The following USP44 variants were observed in gnomAD, a reference collection of about 807,000 sequenced individuals.
USP44 encodes ubiquitin specific peptidase 44, also known as ubiquitin carboxyl-terminal hydrolase 44.
A neutral mutation model predicts 69.0 loss-of-function variants in USP44; 61 were observed. The ratio of observed to expected loss-of-function variants is 0.88; its 90% CI spans 0.72 to 1.09. The LOEUF is 1.09. USP44 is among the 50% of genes least tolerant of loss of function. USP44 has a pLI of 0.00. For missense variants in USP44, 753 were observed against 849.9 expected (o/e 0.89, Z 1.42); for synonymous variants, 297 against 295.4 (o/e 1.01, Z -0.06).
chr12:95,549,533 C>T lies in USP44; in HGVS notation c.-71+1739G>A, dbSNP rs60896788. Among the ~76,000 whole-genome samples the T allele has an allele frequency of 0.022, 3,380 of 152,216 alleles. 197 individuals carry two copies. The East Asian group carries it at 0.25, about 11-fold the overall frequency. On this transcript the variant is annotated intron_variant, in intron 1 of 5. Transcript: ENST00000258499. ...TGGATTCTTTGTGTTCAACTCTGAGCCAGATTGTTGTTTTTAACTGAACCT... is the reference window on the plus strand; with the variant it reads ...TGGATTCTTTGTGTTCAACTCTGAGTCAGATTGTTGTTTTTAACTGAACCT...
At position 95,518,066 on chromosome 12, in the gene USP44, A is replaced by C. The variant is rs942338364; in HGVS notation, c.*88T>G. On this transcript the variant is annotated 3_prime_UTR_variant, in exon 6 of 6. Transcript: ENST00000258499. ...GTATAAATGTAGTATACACTGATTC[A>C]CAAGAAAAAATGAAGTTTAAAATGG... is the stretch of plus-strand genomic sequence containing the variant. 9 of 1,443,356 alleles carry C rather than the reference A, an allele frequency of 6.2e-6. No individual in the cohort carries two copies. The highest frequency in any genetic ancestry group is 8.5e-6 in the Non-Finnish European group (9 of 1,054,506). The allele number at this position is 1,443,356 out of a possible 1,614,324, so 89.4% of individuals were successfully genotyped here. A position where few individuals can be genotyped will look rare whatever the true frequency, so the allele number is the denominator to read the frequency against.
At position 95,528,802 on chromosome 12, in the gene USP44, C is replaced by T; in HGVS notation, c.1624+5G>A. On this transcript the variant is annotated splice_donor_5th_base_variant and intron_variant, in intron 3 of 5. Transcript: ENST00000258499. ...AAGCACCAAGAACACAACGTCTTTA[C>T]TCACAGTTACACTGGTCACATACGT... 6.2e-7 allele frequency: 1 copy of T among 1,607,850 alleles called. No homozygotes were observed. Among genetic ancestry groups the T allele is most frequent in the South Asian group, 1.1e-5 (1 of 89,498 alleles).
intron 2 of USP44, among the ~76,000 whole-genome samples, chr12:95,530,391 C>T (rs897762633): frequency 6.6e-6 from 1 of 151,906 alleles, no homozygotes; most frequent in Non-Finnish European, 1.5e-5. Context: ...GAGGCCAAAG[C>T]GGGAGGGCTG....
rs755144141 is a variant in USP44 at position 95,518,401 on chromosome 12, C to A, written c.1940-48G>T. 4 of 1,590,346 alleles carry A rather than the reference C, an allele frequency of 2.5e-6. No homozygotes were observed. In the African/African-American group the frequency reaches 4.1e-5, roughly 16 times the overall value. ...ATTTATGAAGGGACTTTAGAAAATT[C>A]TAGTATGAAAGGCATTGAGTGAGAA... On this transcript the variant is annotated intron_variant, in intron 5 of 5. Coordinates refer to ENST00000258499, the MANE Select transcript of USP44 (RefSeq NM_032147.5).
rs745466837 is a variant in USP44 at position 95,533,023 on chromosome 12, G to A, written c.1234C>T (p.Leu412Phe). 6.2e-7 allele frequency: 1 copy of A among 1,614,188 alleles called. No individual in the cohort carries two copies. Among genetic ancestry groups the A allele is most frequent in the African/African-American group, 1.3e-5 (1 of 75,054 alleles). Residue 412 changes from leucine (L) to phenylalanine (F), a missense_variant, in exon 2 of 6, where the codon CTC becomes TTC. Leu to Phe is a conservative substitution (Grantham distance 22). Coordinates refer to ENST00000258499, the MANE Select transcript of USP44 (RefSeq NM_032147.5). ...GCGTAACCACGAAAGGCAGGAATGA[G>A]TCTCCACACTGAGTGTAGCATAGCA... The part of the protein sequence containing the change: ...PFAMLHSVWR[L>F]IPAFRGYAQQ...
chr12:95,534,332 C>G lies in USP44; in HGVS notation c.-70-6G>C. 1 of 1,331,012 alleles carries G rather than the reference C, an allele frequency of 7.5e-7. No homozygotes were observed. Among genetic ancestry groups the G allele is most frequent in the Non-Finnish European group, 1.0e-6 (1 of 962,580 alleles). 82.5% of individuals were successfully genotyped at this position (1,331,012 alleles called of 1,614,324 possible). A position where few individuals can be genotyped will look rare whatever the true frequency, so the allele number is the denominator to read the frequency against. ...ACACTTGAAGCATCTGAAAACTAAACAGAACAATGTCAAGTGTTAATAACA... is the reference window on the plus strand; with the variant it reads ...ACACTTGAAGCATCTGAAAACTAAAGAGAACAATGTCAAGTGTTAATAACA... On this transcript the variant is annotated splice_region_variant and splice_polypyrimidine_tract_variant and intron_variant, in intron 1 of 5. Coordinates refer to ENST00000258499, the MANE Select transcript of USP44 (RefSeq NM_032147.5).
intron 1 of USP44, among the ~76,000 whole-genome samples, chr12:95,536,039 C>CT (rs397821709): frequency 0.038 from 3,691 of 97,512 alleles, 172 homozygotes; most frequent in African/African-American, 0.094. Context: ...CTTTTTTTTC[C>CT]TTTTTTTTTT....
chr12:95,539,228 TTTTG>T, intron 1 of USP44, among the ~76,000 whole-genome samples: 1 of 151,088 alleles, frequency 6.6e-6, no homozygotes, highest in Non-Finnish European at 1.5e-5. Flanking sequence ...TGGCTTTTTT[TTTTG>T]TTTTTTTTTT....
chr12:95,536,689 T>G (rs1177399613), intron 1 of USP44, among the ~76,000 whole-genome samples: 3 of 152,186 alleles, frequency 2.0e-5, no homozygotes, highest in African/African-American at 7.2e-5. Context: ...CCGGGATTAC[T>G]GCAGTAAGGC....
chr12:95,530,762 A>G (rs2076994346), intron 2 of USP44, among the ~76,000 whole-genome samples: 1 of 152,210 alleles, frequency 6.6e-6, no homozygotes, highest in Admixed American at 6.5e-5. Context: ...GACAAAGTCA[A>G]CTTCTAAGAC....
At chr12:95,550,747 G>A (rs2077710471) in intron 1 of USP44, among the ~76,000 whole-genome samples, 1 of 151,988 alleles carries the variant, frequency 6.6e-6, no homozygotes, top group Non-Finnish European at 1.5e-5. Context: ...GTCTTTTAAG[G>A]ACTAAAATGA....
chr12:95,522,705 G>A (rs897491583), intron 4 of USP44, among the ~76,000 whole-genome samples: 1 of 151,304 alleles, frequency 6.6e-6, no homozygotes, highest in Non-Finnish European at 1.5e-5. Flanking sequence ...TTGAACCCGG[G>A]ACGCAGAGGT....
intron 2 of USP44, 65 bp downstream of exon 2, chr12:95,532,764 G>A: frequency 2.2e-6 from 3 of 1,361,258 alleles, no homozygotes; most frequent in East Asian, 4.7e-5. Context: ...CATAGAATAT[G>A]CCTTTTTATA....
intron 1 of USP44, among the ~76,000 whole-genome samples, chr12:95,539,288 C>T (rs921325103): frequency 8.7e-5 from 13 of 149,498 alleles, no homozygotes; most frequent in African/African-American, 2.7e-4. Context: ...TGCAGTGGCG[C>T]GATCTAGGCT....
In USP44 at chr12:95,548,480, C is replaced by T. The variant is rs1360173491; in HGVS notation, c.-71+2792G>A. ...CGCCTTGCCGCAGCATCTCCGGGCA[C>T]TCTGAGGCTGCCGCCGGGACAGGGT... On this transcript the variant is annotated intron_variant, in intron 1 of 5. Coordinates refer to ENST00000258499, the MANE Select transcript of USP44 (RefSeq NM_032147.5). The surrounding 1 kb of genome is among the most constrained non-coding windows in gnomAD (Gnocchi z 4.1). 1.3e-5 allele frequency: 2 copies of T among 152,346 alleles called. No homozygotes were observed. Among genetic ancestry groups the T allele is most frequent in the African/African-American group, 4.8e-5 (2 of 41,460 alleles). 9.4% of individuals were successfully genotyped at this position (152,346 alleles called of 1,614,324 possible). A position where few individuals can be genotyped will look rare whatever the true frequency, so the allele number is the denominator to read the frequency against.
Position 95,548,876 on chromosome 12 carries a change from G to C in USP44, c.-71+2396C>G, listed in dbSNP as rs2077668400. ...GCGGCTACGACAGCCGTGACGCGCA[G>C]CAGGCCCCGCCCCCTCCCACAGCCC... On this transcript the variant is annotated intron_variant, in intron 1 of 5. Coordinates refer to ENST00000258499, the MANE Select transcript of USP44 (RefSeq NM_032147.5). The surrounding 1 kb of genome is among the most constrained non-coding windows in gnomAD (Gnocchi z 4.1). 1 of 151,992 alleles carries C rather than the reference G, an allele frequency of 6.6e-6. No homozygotes were observed. The highest frequency in any genetic ancestry group is 2.1e-4 in the South Asian group (1 of 4,832). 9.4% of individuals were successfully genotyped at this position (151,992 alleles called of 1,614,324 possible).
At chr12:95,541,124 A>T (rs1444344333) in intron 1 of USP44, among the ~76,000 whole-genome samples, 2 of 152,088 alleles carry the variant, frequency 1.3e-5, no homozygotes, top group African/African-American at 4.8e-5. Context: ...CTAAAAATAC[A>T]AAAAATTAGC....
chr12:95,523,673 A>C (rs1232351521), intron 4 of USP44, among the ~76,000 whole-genome samples: 1 of 146,104 alleles, frequency 6.8e-6, no homozygotes, highest in East Asian at 2.0e-4. Flanking sequence ...GCAACATGGC[A>C]AAACCCTGTC....
chr12:95,536,221 T>C (rs1565828672), intron 1 of USP44, among the ~76,000 whole-genome samples: 1 of 151,998 alleles, frequency 6.6e-6, no homozygotes, highest in Non-Finnish European at 1.5e-5. Context: ...TTTTGTATTT[T>C]TGGTACAGAC....
Sources: allele counts gnomAD v4.1 joint callset (sites outside exome capture counted in the v4.1 genomes callset), GRCh38; gene constraint gnomAD v4.1.1; non-coding constraint Gnocchi (gnomAD v3.1); transcripts MANE v1.5; gene names NCBI Gene and HGNC (gene_info 2026-07-23, HGNC 2026-07-21).